ZNF677: variants seen among roughly 807,000 people sequenced by gnomAD.
ZNF677 encodes the protein zinc finger protein 677.
ZNF677 carries 5 observed loss-of-function variants against 8.1 expected under a neutral mutation model. The observed-to-expected ratio is 0.62, with a 90% CI of 0.32 to 1.29. ZNF677 has a LOEUF of 1.29. Ranked by LOEUF, ZNF677 falls within the 50% of genes most tolerant of loss-of-function variation. The probability of loss-of-function intolerance (pLI) is 0.05; values close to 1 mark genes in which losing one functional copy is unlikely to be tolerated. For missense variants in ZNF677, 685 were observed against 685.9 expected, an observed-to-expected ratio of 1.00 and a Z score of 0.01; for synonymous variants, 221 against 225.6, an observed-to-expected ratio of 0.98 and a Z score of 0.18.
At chr19:53,247,538 C>T (rs1363441653) in intron 3 of ZNF677, among the ~76,000 whole-genome samples, 2 of 152,158 alleles carry the variant, frequency 1.3e-5, no homozygotes, top group Non-Finnish European at 2.9e-5. Context: ...CCCTTTATTT[C>T]CTTACTAATC....
At chr19:53,252,689 C>G (rs2091253861) in intron 2 of ZNF677, among the ~76,000 whole-genome samples, 1 of 152,220 alleles carries the variant, frequency 6.6e-6, no homozygotes, top group African/African-American at 2.4e-5. Flanking sequence ...CAGACGGGCT[C>G]TGTTGGAACA....
chr19:53,237,090 T>C lies in ZNF677; in HGVS notation c.1637A>G (p.Asn546Ser), dbSNP rs767271896. 1.7e-5 allele frequency: 28 copies of C among 1,613,822 alleles called. No homozygotes were observed. Among genetic ancestry groups the C allele is most frequent in the Non-Finnish European group, 2.3e-5 (27 of 1,179,902 alleles). The change falls in exon 5 of 5, where the codon AAT (asparagine) becomes AGT (serine). Residue 546 changes from asparagine (N) to serine (S), a missense_variant. By Grantham distance (46) the Asn-to-Ser change is conservative. Transcript: ENST00000598513. ...IHIEKKHCKH[N>S]IHGNALFQSS... ...TTGGAATAAAGCATTACCATGTATA[T>C]TATGTTTACAATGTTTCTTTTCAAT... is the stretch of plus-strand genomic sequence containing the variant.
At chr19:53,251,104 C>G (rs1277738695) in intron 3 of ZNF677, among the ~76,000 whole-genome samples, 1 of 152,230 alleles carries the variant, frequency 6.6e-6, no homozygotes, top group Non-Finnish European at 1.5e-5. Flanking sequence ...TAAACTCAAG[C>G]TAAGCAAGTT....
chr19:53,250,795 C>G (rs1001336356), intron 3 of ZNF677, among the ~76,000 whole-genome samples: 1 of 152,128 alleles, frequency 6.6e-6, no homozygotes, highest in Non-Finnish European at 1.5e-5. Flanking sequence ...ATATAACAAA[C>G]CTACCCCTGG....
In ZNF677 at chr19:53,237,594, T is replaced by C. The variant is rs748929742; in HGVS notation, c.1133A>G (p.Asn378Ser). 43 of 1,611,290 alleles carry C rather than the reference T, an allele frequency of 2.7e-5. No homozygotes were observed. Among genetic ancestry groups the C allele is most frequent in the Non-Finnish European group, 3.4e-5 (40 of 1,179,208 alleles). ...IHTGEKPYKCNECDKAFAERS... is the reference protein window; with the variant it reads ...IHTGEKPYKCSECDKAFAERS... ...TTCAGCAAAGGCTTTGTCACATTCA[T>C]TACATTTGTAAGGTTTCTCTCCAGT... Residue 378 changes from asparagine (N) to serine (S), a missense_variant, in exon 5 of 5, where the codon AAT becomes AGT. Coordinates refer to ENST00000598513, the MANE Select transcript of ZNF677 (RefSeq NM_182609.4).
At position 53,253,549 on chromosome 19, in the gene ZNF677, T is replaced by C. The variant is rs1308510330; in HGVS notation, c.-126-393A>G. On this transcript the variant is annotated intron_variant, in intron 1 of 4. Transcript: ENST00000598513. Reference sequence around the variant, plus strand: ...GCTAAAAATACAAATTCACCGGGCATGGTGGCGCATGCCTTTAATCCCAGC... The same window carrying C: ...GCTAAAAATACAAATTCACCGGGCACGGTGGCGCATGCCTTTAATCCCAGC... 3.3e-5 allele frequency among the ~76,000 whole-genome samples: 5 copies of C among 152,110 alleles called. No homozygotes were observed. In the East Asian group the frequency reaches 7.7e-4, roughly 23 times the overall value.
At chr19:53,245,017 T>C (rs1156846771) in intron 3 of ZNF677, among the ~76,000 whole-genome samples, 1 of 152,164 alleles carries the variant, frequency 6.6e-6, no homozygotes, top group Admixed American at 6.5e-5. Flanking sequence ...CTGTCTTCAG[T>C]AAATAGTGCT....
intron 3 of ZNF677, among the ~76,000 whole-genome samples, chr19:53,245,586 T>C (rs186273996): frequency 3.6e-4 from 55 of 152,180 alleles, no homozygotes; most frequent in African/African-American, 1.1e-3. Context: ...TGATCTCACA[T>C]CTATTAGGAT....
In ZNF677 at chr19:53,243,797, T is replaced by C; in HGVS notation, c.116A>G (p.Glu39Gly). The change falls in exon 4 of 5, where the codon GAG becomes GGG. Residue 39 changes from glutamate to glycine, a missense_variant. Transcript: ENST00000598513. ...GAGAGAAAGCAGGTTCCTGTAGTTC[T>C]CCAACATCACGTCCCTGTACAAGGC... ...QRALYRDVML[E>G]NYRNLLSLDE... 1 of 1,614,212 alleles carries C rather than the reference T, an allele frequency of 6.2e-7. No individual in the cohort carries two copies. Among genetic ancestry groups the C allele is most frequent in the Non-Finnish European group, 8.5e-7 (1 of 1,180,034 alleles).
At position 53,237,691 on chromosome 19, in the gene ZNF677, G is replaced by A; in HGVS notation, c.1036C>T (p.Pro346Ser). The A allele has an allele frequency of 1.2e-6, 2 of 1,613,304 alleles. No individual in the cohort carries two copies. Among genetic ancestry groups the A allele is most frequent in the African/African-American group, 1.3e-5 (1 of 75,008 alleles). Residue 346 changes from proline to serine, a missense_variant, in exon 5 of 5, where the codon CCT (proline) becomes TCT (serine). Transcript: ENST00000598513. ...TTACCACATTCATTACATTTGTAAG[G>A]TTTCTCTCCAGTATGCATCCTCTGA... ...SHQRMHTGEK[P>S]YKCNECGKAF...
chr19:53,253,910 A>T (rs1028467513), intron 1 of ZNF677, among the ~76,000 whole-genome samples: 3 of 152,182 alleles, frequency 2.0e-5, no homozygotes, highest in Non-Finnish European at 1.5e-5. Context: ...CAAAAGCAGC[A>T]TACGGTGTCA....
At chr19:53,242,608 T>G (rs2091070926) in intron 4 of ZNF677, 1 of 392,474 alleles carries the variant, frequency 2.5e-6, no homozygotes, top group South Asian at 1.4e-4. Flanking sequence ...CTTGAACAAG[T>G]AGAGAGACCG....
rs747015213 is a variant in ZNF677 at position 53,237,568 on chromosome 19, G to A, written c.1159C>T (p.Arg387Cys). Residue 387 changes from arginine to cysteine, a missense_variant, in exon 5 of 5, where the codon CGT (arginine) becomes TGT (cysteine). Physicochemically the swap from Arg to Cys is radical, Grantham distance 180 (BLOSUM62 -3). Transcript: ENST00000598513. ...CNECDKAFAERSSLTQHKRIH... is the reference protein window; with the variant it reads ...CNECDKAFAECSSLTQHKRIH... ...CTCTTATGTTGGGTAAGGCTTGAAC[G>A]TTCAGCAAAGGCTTTGTCACATTCA... The A allele has an allele frequency of 6.0e-5, 97 of 1,612,862 alleles. 1 individual carries two copies. In the Admixed American group the frequency reaches 1.3e-3, roughly 21 times the overall value.
rs558122063 is a variant in ZNF677 at position 53,248,707 on chromosome 19, A to G, written c.15+2829T>C. On this transcript the variant is annotated intron_variant, in intron 3 of 4. Transcript: ENST00000598513. ...TTTTGAGGGTCACTGTACATGACAA[A>G]TTATTTCTATGTTGCTACTATCATG... is the stretch of plus-strand genomic sequence containing the variant. Among the ~76,000 whole-genome samples, 14 of 152,274 alleles carry G rather than the reference A, an allele frequency of 9.2e-5. No homozygotes were observed. The East Asian group carries it at 2.7e-3, about 29-fold the overall frequency.
At chr19:53,252,979 C>T (rs1189049636) in intron 2 of ZNF677, 107 bp downstream of exon 2, 1 of 152,092 alleles carries the variant, frequency 6.6e-6, no homozygotes, top group African/African-American at 2.4e-5. Context: ...TTGATTAACA[C>T]ATATTTTGTA....
chr19:53,249,399 G>GA (rs1479427847), intron 3 of ZNF677: 2 of 152,144 alleles, frequency 1.3e-5, no homozygotes, highest in African/African-American at 4.8e-5. Flanking sequence ...TTGTAATGGA[G>GA]AAAAACTGTA....
intron 4 of ZNF677, chr19:53,242,189 C>T (rs1456671212): frequency 1.3e-5 from 5 of 397,352 alleles, no homozygotes; most frequent in Non-Finnish European, 2.2e-5. Context: ...ACCTCGGCCT[C>T]CCAAAGTGCT....
chr19:53,239,187 C>T (rs1417083392), intron 4 of ZNF677: 1 of 152,036 alleles, frequency 6.6e-6, no homozygotes, highest in East Asian at 1.9e-4. Context: ...TACTGAAAAA[C>T]CATCATCTGT....
rs1461703676 is a variant in ZNF677, at chr19:53,243,827, T to C, written c.86A>G (p.Gln29Arg). 3.1e-6 allele frequency: 5 copies of C among 1,614,044 alleles called. No individual in the cohort carries two copies. The highest frequency in any genetic ancestry group is 2.7e-5 in the African/African-American group (2 of 74,936). Residue 29 changes from glutamine to arginine, a missense_variant, in exon 4 of 5, where the codon CAG (glutamine) becomes CGG (arginine). By Grantham distance (43) the Gln-to-Arg change is conservative (BLOSUM62 1). Coordinates refer to ENST00000598513, the MANE Select transcript of ZNF677 (RefSeq NM_182609.4). Reference sequence around the variant, plus strand: ...CATCACGTCCCTGTACAAGGCCCTCTGGGCAGGGTCCAGGCACTCCCACTC... The same window carrying C: ...CATCACGTCCCTGTACAAGGCCCTCCGGGCAGGGTCCAGGCACTCCCACTC... ...QEEWECLDPA[Q>R]RALYRDVMLE... is the part of the protein sequence containing the mutation.
Sources: gnomAD v4.1 joint callset for allele counts (sites outside exome capture counted in the v4.1 genomes callset) on GRCh38, gnomAD v4.1.1 for gene constraint, MANE v1.5 for transcripts, NCBI Gene and HGNC (gene_info 2026-07-23, HGNC 2026-07-21) for gene names.